TRMT9B: variants seen among roughly 807,000 people sequenced by gnomAD.
The protein encoded by TRMT9B is tRNA methyltransferase 9B (putative).
In TRMT9B, 16 loss-of-function variants were observed where a neutral mutation model predicts 11.5. That is an observed-to-expected ratio of 1.39 (90% confidence interval 0.94 to 2.11). The LOEUF (loss-of-function observed/expected upper bound fraction) is 2.11. Among genes scored for constraint, TRMT9B ranks in the 30% most tolerant of loss-of-function variants. The pLI is 0.00. For synonymous variants in TRMT9B, 274 were observed against 192.4 expected (o/e 1.42, Z -3.51); for missense variants, 941 against 553.8 (o/e 1.70, Z -7.02).
intron 1 of TRMT9B, among the ~76,000 whole-genome samples, chr8:12,953,943 A>C (rs1347710739): frequency 6.6e-6 from 1 of 152,194 alleles, no homozygotes; most frequent in African/African-American, 2.4e-5. Context: ...TCTTTTTCTA[A>C]CTCCAAAGAA....
chr8:13,012,191 A>G lies in TRMT9B; in HGVS notation c.155-493A>G, dbSNP rs987861558. Reference sequence around the variant, plus strand: ...TTCCTATTGCCTTTCTCTCTTCTATATGAGAATCTGTAAGTATTCGCCGAA... The same window carrying G: ...TTCCTATTGCCTTTCTCTCTTCTATGTGAGAATCTGTAAGTATTCGCCGAA... On this transcript the variant is annotated intron_variant, in intron 3 of 4. Transcript: ENST00000524591. The G allele has an allele frequency of 4.1e-6, 4 of 985,052 alleles. No homozygotes were observed. The African/African-American group carries it at 7.0e-5, about 17-fold the overall frequency. 61.0% of individuals were successfully genotyped at this position (985,052 alleles called of 1,614,324 possible). A position where few individuals can be genotyped will look rare whatever the true frequency, so the allele number is the denominator to read the frequency against.
rs1815093307 is a variant in TRMT9B at position 13,029,313 on chromosome 8, T to G, written c.*7269T>G. ...ACTTTTTTCTACAATGTACAGTTAT[T>G]TTGACTTTTCCCAGGGGAAGCTAGC... On this transcript the variant is annotated 3_prime_UTR_variant, in exon 5 of 5. Transcript: ENST00000524591. The G allele has an allele frequency of 1.2e-5, 2 of 167,082 alleles. No individual in the cohort carries two copies. The highest frequency in any genetic ancestry group is 4.1e-4 in the South Asian group (2 of 4,834). The allele number at this position is 167,082 out of a possible 1,614,324, so 10.3% of individuals were successfully genotyped here.
intron 1 of TRMT9B, chr8:12,960,144 G>C (rs996910110): frequency 1.3e-5 from 2 of 152,200 alleles, no homozygotes; most frequent in African/African-American, 4.8e-5. Context: ...CAAATAAGGA[G>C]TTGCTGCATT....
chr8:12,978,532 A>G (rs1015005266), intron 1 of TRMT9B, among the ~76,000 whole-genome samples: 2 of 148,706 alleles, frequency 1.3e-5, no homozygotes, highest in African/African-American at 4.9e-5. Flanking sequence ...AGATAGATAG[A>G]TAGATAGATA....
intron 1 of TRMT9B, among the ~76,000 whole-genome samples, chr8:12,946,228 A>G (rs1585423957): frequency 1.3e-5 from 2 of 152,248 alleles, no homozygotes; most frequent in Admixed American, 6.5e-5. Context: ...AATCTAGACA[A>G]TAGCTTTTTG....
chr8:12,946,099 C>G (rs763948829), intron 1 of TRMT9B, 133 bp downstream of exon 1: 1 of 152,144 alleles, frequency 6.6e-6, no homozygotes, highest in Non-Finnish European at 1.5e-5. Flanking sequence ...CATTGCTTTT[C>G]TCACAGACTG....
intron 4 of TRMT9B, among the ~76,000 whole-genome samples, chr8:13,018,719 C>T (rs1005051423): frequency 6.6e-6 from 1 of 152,120 alleles, no homozygotes; most frequent in Non-Finnish European, 1.5e-5. Context: ...ATGTGTGTTT[C>T]TGTTTAAAGA....
chr8:12,985,793 G>A lies in TRMT9B; in HGVS notation c.-199-5041G>A, dbSNP rs74362216. Among the ~76,000 whole-genome samples, 16 of 152,110 alleles carry A rather than the reference G, an allele frequency of 1.1e-4. No individual in the cohort carries two copies. In the South Asian group the frequency reaches 2.3e-3, roughly 22 times the overall value. On this transcript the variant is annotated intron_variant, in intron 1 of 4. Transcript: ENST00000524591. ...CTAGTTTCATTTATTTTCTTACTGT[G>A]TGTATTCTCTTTTGATTTAATAAAC... is the stretch of plus-strand genomic sequence containing the variant.
rs904680597 is a variant in TRMT9B, at chr8:13,025,014, G to A, written c.*2970G>A. On this transcript the variant is annotated 3_prime_UTR_variant, in exon 5 of 5. Transcript: ENST00000524591. ...CAGGTCATCAGTGAGTATAAACGTA[G>A]ACAGTTGATTTGTGAATGCTGTCGG... 6 of 167,066 alleles carry A rather than the reference G, an allele frequency of 3.6e-5. No homozygotes were observed. The highest frequency in any genetic ancestry group is 1.2e-4 in the African/African-American group (5 of 41,432). 10.3% of individuals were successfully genotyped at this position (167,066 alleles called of 1,614,324 possible).
intron 1 of TRMT9B, among the ~76,000 whole-genome samples, chr8:12,984,629 C>T (rs868311383): frequency 1.3e-5 from 2 of 152,144 alleles, no homozygotes; most frequent in Non-Finnish European, 2.9e-5. Flanking sequence ...TCTTCTTCCA[C>T]GGTACTATTT....
chr8:12,983,096 G>T (rs552282881), intron 1 of TRMT9B, among the ~76,000 whole-genome samples: 1 of 152,206 alleles, frequency 6.6e-6, no homozygotes, highest in Admixed American at 6.5e-5. Context: ...AGATATTGTT[G>T]AAAATGTCAA....
chr8:12,961,274 A>G (rs1802064568), intron 1 of TRMT9B, among the ~76,000 whole-genome samples: 1 of 152,266 alleles, frequency 6.6e-6, no homozygotes, highest in African/African-American at 2.4e-5. Flanking sequence ...AATGTTAGTT[A>G]ATAATAAATA....
At chr8:13,003,160 A>T (rs1206403190) in intron 2 of TRMT9B, among the ~76,000 whole-genome samples, 1 of 152,144 alleles carries the variant, frequency 6.6e-6, no homozygotes, top group Non-Finnish European at 1.5e-5. Context: ...TAAATTCAAC[A>T]ATTACAGGAC....
rs1279896636 is a variant in TRMT9B, at chr8:13,029,184, T to A, written c.*7140T>A. 6.0e-6 allele frequency: 1 copy of A among 166,410 alleles called. No individual in the cohort carries two copies. Among genetic ancestry groups the A allele is most frequent in the African/African-American group, 2.4e-5 (1 of 41,270 alleles). The allele number at this position is 166,410 out of a possible 1,614,324, so 10.3% of individuals were successfully genotyped here. ...AAATGTATTTCATTGAATAAATAGC[T>A]TTTGTTTGTTTGTTTGTTTGTTTCA... On this transcript the variant is annotated 3_prime_UTR_variant, in exon 5 of 5. Coordinates refer to ENST00000524591, the MANE Select transcript of TRMT9B (RefSeq NM_020844.3).
At chr8:13,013,046 ATTGTT>A (rs1280498391) in intron 4 of TRMT9B, among the ~76,000 whole-genome samples, 189 bp downstream of exon 4, 1 of 152,212 alleles carries the variant, frequency 6.6e-6, no homozygotes, top group African/African-American at 2.4e-5. Flanking sequence ...GGCACATATG[ATTGTT>A]TTAACTATTT....
At chr8:12,991,139 G>A in intron 2 of TRMT9B, 108 bp downstream of exon 2, 1 of 428,302 alleles carries the variant, frequency 2.3e-6, no homozygotes, top group Non-Finnish European at 3.5e-6. Context: ...TTAAATTTAT[G>A]ACAATGTGAT....
At chr8:12,992,834 A>G (rs1807609840) in intron 2 of TRMT9B, among the ~76,000 whole-genome samples, 1 of 152,078 alleles carries the variant, frequency 6.6e-6, no homozygotes, top group Non-Finnish European at 1.5e-5. Flanking sequence ...ATGCCACTAC[A>G]CTCCAGCCTA....
At chr8:12,992,314 C>T (rs906623633) in intron 2 of TRMT9B, among the ~76,000 whole-genome samples, 4 of 152,056 alleles carry the variant, frequency 2.6e-5, no homozygotes, top group Admixed American at 1.3e-4. Flanking sequence ...ATGACAGTAT[C>T]CGGAAAAATG....
chr8:13,002,364 G>C (rs1402374795), intron 2 of TRMT9B, among the ~76,000 whole-genome samples: 1 of 152,178 alleles, frequency 6.6e-6, no homozygotes, highest in African/African-American at 2.4e-5. Flanking sequence ...AACGTAAATA[G>C]ACTAAAATCT....
Sources: allele counts gnomAD v4.1 joint callset (sites outside exome capture counted in the v4.1 genomes callset), GRCh38; gene constraint gnomAD v4.1.1; transcripts MANE v1.5; gene names NCBI Gene and HGNC (gene_info 2026-07-23, HGNC 2026-07-21).